The following TRMT11 variants were observed in gnomAD, a reference collection of about 807,000 sequenced individuals.
TRMT11 encodes the protein tRNA (guanine(10)-N(2))-methyltransferase TRMT11.
A neutral mutation model predicts 62.8 loss-of-function variants in TRMT11; 53 were observed. The observed-to-expected ratio is 0.84, with a 90% CI of 0.68 to 1.06. TRMT11 has a LOEUF of 1.06. Among genes scored for constraint, TRMT11 ranks in the 50% least tolerant of loss-of-function variants. The pLI is 0.00. For synonymous variants in TRMT11, 188 were observed against 190.3 expected (o/e 0.99, Z 0.10); for missense variants, 556 against 553.4 (o/e 1.00, Z -0.05).
At chr6:126,108,330 T>A (rs1777486840) in intron 17 of TRMT11, among the ~76,000 whole-genome samples, 1 of 152,238 alleles carries the variant, frequency 6.6e-6, no homozygotes, top group Admixed American at 6.5e-5. Flanking sequence ...TTCTAGCCCC[T>A]TGTGCCTTTG....
downstream of TRMT11, among the ~76,000 whole-genome samples, chr6:126,043,685 T>C (rs1775953723): frequency 6.6e-6 from 1 of 152,042 alleles, no homozygotes; most frequent in Non-Finnish European, 1.5e-5. Context: ...GTAAAACTGT[T>C]CCTATTTCTC....
the TRMT11 span, among the ~76,000 whole-genome samples, chr6:126,241,492 A>G: frequency 6.6e-6 from 1 of 152,206 alleles, no homozygotes; most frequent in East Asian, 1.9e-4. Context: ...ACACAACAAA[A>G]AAAGAGAATT....
At chr6:126,222,244 G>C in the TRMT11 span, among the ~76,000 whole-genome samples, 1 of 152,156 alleles carries the variant, frequency 6.6e-6, no homozygotes, top group African/African-American at 2.4e-5. Context: ...TAGGTAACGT[G>C]ATGCCTCCTG....
chr6:126,093,906 T>C (rs1402692709), intron 17 of TRMT11, among the ~76,000 whole-genome samples: 1 of 152,034 alleles, frequency 6.6e-6, no homozygotes, highest in Non-Finnish European at 1.5e-5. Context: ...ATTTCCTGAA[T>C]GAGTAAAGAC....
chr6:126,011,752 T>C (rs1240230264), intron 9 of TRMT11, among the ~76,000 whole-genome samples: 1 of 152,202 alleles, frequency 6.6e-6, no homozygotes, highest in Non-Finnish European at 1.5e-5. Flanking sequence ...TTGGTTATTA[T>C]ACCAACTGGA....
intron 1 of TRMT11, among the ~76,000 whole-genome samples, chr6:126,188,028 A>G (rs1329963889): frequency 6.6e-6 from 1 of 151,864 alleles, no homozygotes; most frequent in Non-Finnish European, 1.5e-5. Context: ...AAACCTCAAG[A>G]AAATATCTTT....
At chr6:126,249,726 A>C in the TRMT11 span, among the ~76,000 whole-genome samples, 3 of 152,172 alleles carry the variant, frequency 2.0e-5, no homozygotes, top group African/African-American at 7.2e-5. Flanking sequence ...AATTTAAGTC[A>C]GCAAAATTCT....
chr6:126,176,024 T>C (rs985084137), upstream of TRMT11, among the ~76,000 whole-genome samples: 1 of 152,212 alleles, frequency 6.6e-6, no homozygotes, highest in Admixed American at 6.5e-5. Flanking sequence ...TTTTCAGTTT[T>C]GGTTAGGAAA....
the TRMT11 span, among the ~76,000 whole-genome samples, chr6:126,224,917 C>G: frequency 6.6e-6 from 1 of 152,134 alleles, no homozygotes; most frequent in Non-Finnish European, 1.5e-5. Flanking sequence ...TAGGTGGGGT[C>G]CCTCAGAAAA....
In TRMT11 at chr6:126,061,719, C is replaced by T. The variant is rs570361071; in HGVS notation, c.*1437+8529C>T. Among the ~76,000 whole-genome samples, 44 of 152,230 alleles carry T rather than the reference C, an allele frequency of 2.9e-4. 1 individual carries two copies. The highest frequency in any genetic ancestry group is 4.1e-4 in the African/African-American group (17 of 41,532). The stretch of plus-strand genomic sequence containing the variant: ...CTGTCTCATATAGTCCTCTCTCCTC[C>T]GATGGCCCCTCCAAAGTGAGGTTAA... On this transcript the variant is annotated intron_variant and NMD_transcript_variant, in intron 17 of 22. Coordinates refer to the TRMT11 transcript ENST00000648977.
At chr6:126,118,451 G>A (rs181793614) in intron 21 of TRMT11, among the ~76,000 whole-genome samples, 47 of 152,136 alleles carry the variant, frequency 3.1e-4, no homozygotes, top group Middle Eastern at 3.4e-3. Context: ...GCAGGCATGC[G>A]CAATTCTAAT....
At chr6:126,028,266 A>G (rs531976076) in intron 12 of TRMT11, among the ~76,000 whole-genome samples, 63 of 152,260 alleles carry the variant, frequency 4.1e-4, no homozygotes, top group African/African-American at 1.4e-3. Flanking sequence ...AGGGTAAGAT[A>G]GATATAGGTA....
At chr6:126,206,488 C>A (rs1239390691), downstream of TRMT11, among the ~76,000 whole-genome samples, 1 of 152,206 alleles carries the variant, frequency 6.6e-6, no homozygotes, top group Non-Finnish European at 1.5e-5. Flanking sequence ...ACAGCACAAG[C>A]ACTGTTTAGT....
chr6:126,136,481 A>AAC (rs1166084417), intron 21 of TRMT11, among the ~76,000 whole-genome samples: 1 of 151,724 alleles, frequency 6.6e-6, no homozygotes, highest in East Asian at 1.9e-4. Context: ...AGGCAACTAA[A>AAC]ACACTGATGA....
chr6:126,099,228 A>G (rs1046792072), intron 17 of TRMT11, among the ~76,000 whole-genome samples: 1 of 152,206 alleles, frequency 6.6e-6, no homozygotes, highest in Admixed American at 6.5e-5. Flanking sequence ...TTTTCCCCAG[A>G]TTTCAGTAAA....
chr6:126,160,342 C>CT (rs1232778558), intron 21 of TRMT11, among the ~76,000 whole-genome samples: 3 of 152,050 alleles, frequency 2.0e-5, no homozygotes, highest in Admixed American at 1.3e-4. Flanking sequence ...ATTTTTCACA[C>CT]TTTTTTCCTC....
At chr6:126,241,484 A>G in the TRMT11 span, among the ~76,000 whole-genome samples, 2 of 152,184 alleles carry the variant, frequency 1.3e-5, no homozygotes, top group African/African-American at 4.8e-5. Flanking sequence ...TGGCAGAGAC[A>G]CAACAAAAAA....
chr6:126,201,103 C>A (rs1273449978), intron 3 of TRMT11, among the ~76,000 whole-genome samples: 1 of 152,162 alleles, frequency 6.6e-6, no homozygotes, highest in East Asian at 1.9e-4. Flanking sequence ...GAAATCTTGG[C>A]ATCTTTAACA....
chr6:126,246,554 G>A, the TRMT11 span, among the ~76,000 whole-genome samples: 2 of 152,078 alleles, frequency 1.3e-5, no homozygotes, highest in Non-Finnish European at 2.9e-5. Context: ...CTGCATCCAC[G>A]GAAGTGACTG....
Sources: gnomAD v4.1 joint callset for allele counts (sites outside exome capture counted in the v4.1 genomes callset) on GRCh38, gnomAD v4.1.1 for gene constraint, MANE v1.5 for transcripts, NCBI Gene and HGNC (gene_info 2026-07-23, HGNC 2026-07-21) for gene names.